Variants in CORIN observed in about 807,000 individuals in gnomAD.
The protein encoded by CORIN is corin, serine peptidase.
A neutral mutation model predicts 125.3 loss-of-function variants in CORIN; 117 were observed. That is an observed-to-expected ratio of 0.93 (90% CI 0.80 to 1.09). The LOEUF (loss-of-function observed/expected upper bound fraction) is 1.09, where lower values mean the gene tolerates loss of function less well. Among genes scored for constraint, CORIN ranks in the 50% least tolerant of loss-of-function variants. The pLI is 0.00. For missense variants in CORIN, 1,253 were observed against 1,306.7 expected (o/e 0.96, Z 0.63); for synonymous variants, 450 against 466.4 (o/e 0.96, Z 0.45).
chr4:47,763,731 G>A (rs778644126), intron 3 of CORIN, 145 bp from the exon 4 acceptor site: 1 of 620,978 alleles, frequency 1.6e-6, no homozygotes, highest in African/African-American at 1.8e-5. Flanking sequence ...GTGCATGTAA[G>A]TATGTGTATG....
intron 6 of CORIN, among the ~76,000 whole-genome samples, chr4:47,691,580 T>C (rs7699984): frequency 0.026 from 4,011 of 152,192 alleles, 61 homozygotes; most frequent in Middle Eastern, 0.041. Context: ...AATAAATGAA[T>C]AAATAAAGGT....
intron 20 of CORIN, among the ~76,000 whole-genome samples, chr4:47,600,714 G>A (rs1009676237): frequency 1.3e-5 from 2 of 152,200 alleles, no homozygotes; most frequent in African/African-American, 4.8e-5. Context: ...GAGGCTGCCA[G>A]CTCGGCGTCA....
At chr4:47,644,417 CAT>C (rs888891685) in intron 14 of CORIN, among the ~76,000 whole-genome samples, 17 of 152,186 alleles carry the variant, frequency 1.1e-4, no homozygotes, top group Admixed American at 2.6e-4. Context: ...TAATATAAAA[CAT>C]GTGATATGTA....
intron 2 of CORIN, among the ~76,000 whole-genome samples, chr4:47,800,420 A>C (rs1350014054): frequency 1.3e-5 from 2 of 152,194 alleles, no homozygotes; most frequent in Non-Finnish European, 2.9e-5. Context: ...GAATGAAAGG[A>C]AGTGTTCCTC....
At chr4:47,668,779 T>C (rs957298871) in intron 10 of CORIN, among the ~76,000 whole-genome samples, 2 of 152,186 alleles carry the variant, frequency 1.3e-5, no homozygotes, top group Non-Finnish European at 2.9e-5. Flanking sequence ...AACTTTTAAG[T>C]GTTTAGGAGC....
intron 4 of CORIN, among the ~76,000 whole-genome samples, chr4:47,758,072 C>T (rs1475451070): frequency 2.0e-5 from 3 of 151,662 alleles, no homozygotes; most frequent in Non-Finnish European, 2.9e-5. Context: ...TGCCACTATG[C>T]CTGGCTAATT....
intron 21 of CORIN, among the ~76,000 whole-genome samples, 160 bp from the exon 22 acceptor site, chr4:47,596,063 C>T (rs1721236543): frequency 6.6e-6 from 1 of 152,158 alleles, no homozygotes; most frequent in South Asian, 2.1e-4. Context: ...GTGCTTTCCA[C>T]TGTAAAAACA....
chr4:47,666,562 A>G (rs1314003673), intron 10 of CORIN, among the ~76,000 whole-genome samples: 1 of 152,218 alleles, frequency 6.6e-6, no homozygotes, highest in Non-Finnish European at 1.5e-5. Context: ...TCATACGCTG[A>G]AACTCTAACC....
chr4:47,760,416 T>G (rs1184259332), intron 4 of CORIN, among the ~76,000 whole-genome samples: 2 of 152,250 alleles, frequency 1.3e-5, no homozygotes, highest in Non-Finnish European at 2.9e-5. Flanking sequence ...TGACTGTCCT[T>G]TCTCCATTGA....
At chr4:47,771,599 C>T (rs1361351553) in intron 3 of CORIN, among the ~76,000 whole-genome samples, 3 of 152,162 alleles carry the variant, frequency 2.0e-5, no homozygotes, top group African/African-American at 7.2e-5. Flanking sequence ...CTCCCACCCT[C>T]CACCCTCTGA....
intron 5 of CORIN, among the ~76,000 whole-genome samples, chr4:47,708,113 T>A (rs886375205): frequency 6.6e-6 from 1 of 152,162 alleles, no homozygotes; most frequent in African/African-American, 2.4e-5. Context: ...GCTGTTAATA[T>A]CAATGCTCAA....
intron 5 of CORIN, among the ~76,000 whole-genome samples, chr4:47,719,287 T>C (rs1421469744): frequency 6.6e-6 from 1 of 152,180 alleles, no homozygotes; most frequent in African/African-American, 2.4e-5. Flanking sequence ...TCTCCATATG[T>C]GAGTCCTTGA....
intron 12 of CORIN, 138 bp from the exon 13 acceptor site, chr4:47,653,798 G>A (rs1180642126): frequency 7.4e-6 from 5 of 679,662 alleles, no homozygotes; most frequent in Admixed American, 2.8e-5. Context: ...TAGCCATTTT[G>A]CTTTGGCATT....
At chr4:47,749,368 G>A (rs1728801621) in intron 4 of CORIN, among the ~76,000 whole-genome samples, 2 of 152,164 alleles carry the variant, frequency 1.3e-5, no homozygotes, top group African/African-American at 4.8e-5. Flanking sequence ...TCATATTGAG[G>A]AGACCCACAT....
chr4:47,729,852 C>G (rs1026968928), intron 5 of CORIN, among the ~76,000 whole-genome samples: 2 of 152,112 alleles, frequency 1.3e-5, no homozygotes, highest in Non-Finnish European at 2.9e-5. Flanking sequence ...AATAACTTGG[C>G]AGAGAAAGAG....
intron 5 of CORIN, among the ~76,000 whole-genome samples, chr4:47,741,601 G>A (rs919867735): frequency 2.0e-5 from 3 of 151,930 alleles, no homozygotes; most frequent in South Asian, 2.1e-4. Flanking sequence ...AATCTTATAC[G>A]CAAATATTAT....
At position 47,603,564 on chromosome 4, in the gene CORIN, G is replaced by C; in HGVS notation, c.2645C>G (p.Pro882Arg). 6.2e-7 allele frequency: 1 copy of C among 1,614,170 alleles called. No individual in the cohort carries two copies. ...TRFVKTIILH[P>R]RYSRAVVDYD... ...GTCCACCACTGCTCGACTGTAGCGGGGATGCAGGATGATGGTCTTCACAAA... is the reference window on the plus strand; with the variant it reads ...GTCCACCACTGCTCGACTGTAGCGGCGATGCAGGATGATGGTCTTCACAAA... The change falls in exon 20 of 22, where the codon CCC becomes CGC. Residue 882 changes from proline (P) to arginine (R), a missense_variant. Pro to Arg is a moderately radical substitution (Grantham distance 103). Coordinates refer to ENST00000273857, the MANE Select transcript of CORIN (RefSeq NM_006587.4).
rs761428760 is a variant in CORIN, at chr4:47,642,054, G to C, written c.2069-5C>G. The C allele has an allele frequency of 1.9e-6, 3 of 1,611,366 alleles. No homozygotes were observed. The highest frequency in any genetic ancestry group is 1.7e-4 in the Middle Eastern group (1 of 5,922). ...TCACATTTATAGAGAGGGTCACTAG[G>C]GAAAGAAAAGACAAGGGAAACCCTA... On this transcript the variant is annotated splice_polypyrimidine_tract_variant and splice_region_variant and intron_variant, in intron 15 of 21. Coordinates refer to ENST00000273857, the MANE Select transcript of CORIN (RefSeq NM_006587.4).
Position 47,595,548 on chromosome 4 carries a change from A to G in CORIN, c.*173T>C. ...GAAATAAGAGAAAAATGAAGGTGAAAAAATAAATTGAAAAAAATTAGTCCA... is the reference window on the plus strand; with the variant it reads ...GAAATAAGAGAAAAATGAAGGTGAAGAAATAAATTGAAAAAAATTAGTCCA... On this transcript the variant is annotated 3_prime_UTR_variant, in exon 22 of 22. Coordinates refer to ENST00000273857, the MANE Select transcript of CORIN (RefSeq NM_006587.4). 2.3e-6 allele frequency: 1 copy of G among 436,686 alleles called. No homozygotes were observed. The highest frequency in any genetic ancestry group is 2.0e-5 in the African/African-American group (1 of 49,730). The allele number at this position is 436,686 out of a possible 1,614,324, so 27.1% of individuals were successfully genotyped here.
Sources: gnomAD v4.1 joint callset for allele counts (sites outside exome capture counted in the v4.1 genomes callset) on GRCh38, gnomAD v4.1.1 for gene constraint, MANE v1.5 for transcripts, NCBI Gene and HGNC (gene_info 2026-07-23, HGNC 2026-07-21) for gene names.